Variants in RBFOX1 observed in about 807,000 individuals in gnomAD.
The protein encoded by RBFOX1 is RNA binding fox-1 homolog 1.
A neutral mutation model predicts 57.7 loss-of-function variants in RBFOX1; 8 were observed. The observed-to-expected ratio is 0.14, with a 90% confidence interval of 0.08 to 0.25. RBFOX1 has a LOEUF of 0.25. Among genes scored for constraint, RBFOX1 ranks in the 10% least tolerant of loss-of-function variants. The pLI is 1.00. For synonymous variants in RBFOX1, 326 were observed against 222.4 expected, an observed-to-expected ratio of 1.47 and a Z score of -4.15; for missense variants, 611 against 548.5, an observed-to-expected ratio of 1.11 and a Z score of -1.14.
intron 3 of RBFOX1, among the ~76,000 whole-genome samples, chr16:5,690,180 G>A (rs151134235): frequency 7.4e-4 from 113 of 152,264 alleles, no homozygotes; most frequent in African/African-American, 2.3e-3. Flanking sequence ...TAATGGTATC[G>A]CATACTTATC....
intron 3 of RBFOX1, among the ~76,000 whole-genome samples, chr16:6,723,186 T>A (rs1044189698): frequency 1.3e-5 from 2 of 152,114 alleles, no homozygotes; most frequent in African/African-American, 4.8e-5. Context: ...TGTAATATAG[T>A]GGATAAAAGT....
At chr16:7,067,763 C>G (rs971749109) in intron 4 of RBFOX1, among the ~76,000 whole-genome samples, 1 of 145,438 alleles carries the variant, frequency 6.9e-6, no homozygotes, top group Non-Finnish European at 1.5e-5. Context: ...TCAATTCCTA[C>G]CTATGAGTGA....
chr16:6,093,806 A>T (rs936956983), intron 1 of RBFOX1, among the ~76,000 whole-genome samples: 17 of 151,102 alleles, frequency 1.1e-4, no homozygotes, highest in Admixed American at 4.6e-4. Flanking sequence ...TTTTGTAAAG[A>T]TGGGGGTCTC....
intron 2 of RBFOX1, among the ~76,000 whole-genome samples, chr16:6,611,568 T>G (rs982698119): frequency 2.6e-5 from 4 of 152,212 alleles, no homozygotes; most frequent in Non-Finnish European, 4.4e-5. Flanking sequence ...CACATGAGAC[T>G]CCACAGTGAG....
intron 1 of RBFOX1, among the ~76,000 whole-genome samples, chr16:6,294,831 A>C (rs2077891333): frequency 6.6e-6 from 1 of 152,160 alleles, no homozygotes; most frequent in Non-Finnish European, 1.5e-5. Flanking sequence ...AATGCATGTA[A>C]ATAGGAGGAA....
chr16:6,096,758 C>A (rs1398011984), intron 1 of RBFOX1, among the ~76,000 whole-genome samples: 1 of 152,200 alleles, frequency 6.6e-6, no homozygotes, highest in Non-Finnish European at 1.5e-5. Context: ...TATAAAAATA[C>A]TAAAATAGAT....
At chr16:5,636,366 A>G (rs1322505632) in intron 3 of RBFOX1, among the ~76,000 whole-genome samples, 3 of 152,202 alleles carry the variant, frequency 2.0e-5, no homozygotes, top group Non-Finnish European at 4.4e-5. Context: ...TTAAATAAAT[A>G]AAAATTAAAA....
intron 4 of RBFOX1, among the ~76,000 whole-genome samples, chr16:7,401,875 A>G (rs2098249886): frequency 6.6e-6 from 1 of 152,210 alleles, no homozygotes; most frequent in Non-Finnish European, 1.5e-5. Flanking sequence ...TTGTCCTTTA[A>G]AAATGGCTCT....
intron 4 of RBFOX1, among the ~76,000 whole-genome samples, chr16:7,179,027 A>C (rs2082189263): frequency 1.3e-5 from 2 of 152,128 alleles, no homozygotes; most frequent in Admixed American, 6.6e-5. Flanking sequence ...CAGTAGGAAG[A>C]ATAGTTCTGC....
At chr16:6,483,388 A>G (rs2153100640) in intron 2 of RBFOX1, 4 of 1,529,064 alleles carry the variant, frequency 2.6e-6, no homozygotes, top group East Asian at 4.9e-5. Flanking sequence ...CGCACGACAG[A>G]TGACTGGAGT....
chr16:7,248,415 A>C (rs2094390983), intron 4 of RBFOX1, among the ~76,000 whole-genome samples: 1 of 152,192 alleles, frequency 6.6e-6, no homozygotes, highest in Non-Finnish European at 1.5e-5. Context: ...CTTCTAGCTG[A>C]GTCCCTTCAT....
chr16:6,806,840 T>A (rs543031686), intron 3 of RBFOX1, among the ~76,000 whole-genome samples: 171 of 49,154 alleles, frequency 3.5e-3, no homozygotes, highest in South Asian at 8.9e-3. Flanking sequence ...ATATATATTT[T>A]TTTTTTTTTT....
chr16:7,019,919 C>T (rs1343662934), intron 3 of RBFOX1, among the ~76,000 whole-genome samples: 10 of 152,120 alleles, frequency 6.6e-5, no homozygotes, highest in Non-Finnish European at 1.5e-5. Flanking sequence ...TTTTACCTCC[C>T]AGCCTTTCCA....
chr16:6,164,836 T>G (rs1160552853), intron 1 of RBFOX1, among the ~76,000 whole-genome samples: 1 of 152,152 alleles, frequency 6.6e-6, no homozygotes, highest in Non-Finnish European at 1.5e-5. Context: ...ACTGTCGATG[T>G]ACTTGAAAAG....
intron 1 of RBFOX1, among the ~76,000 whole-genome samples, chr16:6,028,013 A>G (rs2095229250): frequency 6.6e-6 from 1 of 152,130 alleles, no homozygotes; most frequent in African/African-American, 2.4e-5. Flanking sequence ...GGGGATTGAG[A>G]GGGCTGATTC....
intron 4 of RBFOX1, among the ~76,000 whole-genome samples, chr16:7,303,376 T>C (rs2096078930): frequency 1.3e-5 from 2 of 152,000 alleles, no homozygotes; most frequent in Non-Finnish European, 2.9e-5. Context: ...GAAATCCCTT[T>C]TCTGTGTTTA....
intron 4 of RBFOX1, among the ~76,000 whole-genome samples, chr16:7,481,780 C>G (rs1162555177): frequency 1.3e-5 from 2 of 152,168 alleles, no homozygotes; most frequent in Non-Finnish European, 2.9e-5. Context: ...ATGCACTTAA[C>G]ACCCCTCACC....
chr16:7,182,374 C>G (rs960430274), intron 4 of RBFOX1, among the ~76,000 whole-genome samples: 3 of 152,186 alleles, frequency 2.0e-5, no homozygotes, highest in African/African-American at 7.2e-5. Flanking sequence ...AGCCCCCTCT[C>G]TTCATGAAAT....
intron 2 of RBFOX1, among the ~76,000 whole-genome samples, chr16:6,447,029 C>A (rs1242713465): frequency 6.6e-6 from 1 of 152,114 alleles, no homozygotes; most frequent in East Asian, 1.9e-4. Flanking sequence ...TTAATGAAAT[C>A]AAGTCTAGGG....
Sources: allele counts gnomAD v4.1 joint callset (sites outside exome capture counted in the v4.1 genomes callset), GRCh38; gene constraint gnomAD v4.1.1; transcripts MANE v1.5; gene names NCBI Gene and HGNC (gene_info 2026-07-23, HGNC 2026-07-21).